The following TYW1 variants were observed in gnomAD, a reference collection of about 807,000 sequenced individuals.
TYW1 encodes the protein tRNA-yW synthesizing protein 1 homolog.
TYW1 carries 46 observed loss-of-function variants against 96.2 expected under a neutral mutation model. The observed-to-expected ratio is 0.48, with a 90% CI of 0.38 to 0.61. The LOEUF is 0.61. TYW1 is among the 20% of genes least tolerant of loss of function. TYW1 has a pLI of 0.00. For synonymous variants in TYW1, 274 were observed against 323.0 expected, an observed-to-expected ratio of 0.85 and a Z score of 1.63; for missense variants, 684 against 909.6, an observed-to-expected ratio of 0.75 and a Z score of 3.19.
At chr7:67,199,572 A>T (rs1584687088) in intron 15 of TYW1, among the ~76,000 whole-genome samples, 1 of 152,012 alleles carries the variant, frequency 6.6e-6, no homozygotes, top group Non-Finnish European at 1.5e-5. Context: ...TAAGTGTACC[A>T]CTCCTTCCAC....
At chr7:67,159,776 A>G (rs1815098) in intron 13 of TYW1, among the ~76,000 whole-genome samples, 37,478 of 128,714 alleles carry the variant, frequency 0.29, 4,764 homozygotes, top group Middle Eastern at 0.36. Context: ...TTGTAACAAT[A>G]TCACAAAATT....
At chr7:67,050,176 G>A (rs1795311453) in intron 8 of TYW1, 110 bp downstream of exon 8, 1 of 1,253,434 alleles carries the variant, frequency 8.0e-7, no homozygotes, top group East Asian at 2.3e-5. Flanking sequence ...CATAGTGGCA[G>A]ATATAACAGT....
At chr7:67,081,418 C>CT (rs751694320) in intron 10 of TYW1, among the ~76,000 whole-genome samples, 1,344 of 129,406 alleles carry the variant, frequency 0.01, 13 homozygotes, top group African/African-American at 0.029. Flanking sequence ...CTCAAGGTGG[C>CT]TTTTTTTTTT....
At chr7:67,029,408 T>TATATATATACATATATATATATATAC (rs1381722152) in intron 7 of TYW1, among the ~76,000 whole-genome samples, 2 of 135,042 alleles carry the variant, frequency 1.5e-5, no homozygotes, top group Admixed American at 8.0e-5. Flanking sequence ...TGTGTGTGTG[T>TATATATATACATATATATATATATAC]GTGTGTGTAT....
intron 15 of TYW1, among the ~76,000 whole-genome samples, chr7:67,207,168 C>A (rs1250755607): frequency 6.6e-6 from 1 of 152,194 alleles, no homozygotes; most frequent in Non-Finnish European, 1.5e-5. Flanking sequence ...AAGCATGCCT[C>A]CTCCAGGAAG....
intron 3 of TYW1, among the ~76,000 whole-genome samples, chr7:67,004,951 T>C (rs1485532785): frequency 1.3e-5 from 2 of 152,184 alleles, no homozygotes; most frequent in Non-Finnish European, 2.9e-5. Flanking sequence ...AGATGGGGTT[T>C]CACCATGTTG....
chr7:67,084,037 GAAAT>G (rs535966004), intron 11 of TYW1, among the ~76,000 whole-genome samples: 3 of 152,072 alleles, frequency 2.0e-5, no homozygotes, highest in Non-Finnish European at 2.9e-5. Context: ...CTCCATCTCA[GAAAT>G]AAATAAATAA....
At chr7:67,012,912 GA>G (rs201945265) in intron 4 of TYW1, among the ~76,000 whole-genome samples, 2 of 150,726 alleles carry the variant, frequency 1.3e-5, no homozygotes, top group African/African-American at 2.4e-5. Context: ...AACCAAAACA[GA>G]AAAAAACCTC....
At chr7:67,132,864 CA>C (rs1201521804) in intron 13 of TYW1, among the ~76,000 whole-genome samples, 2 of 152,166 alleles carry the variant, frequency 1.3e-5, no homozygotes, top group Admixed American at 6.5e-5. Context: ...AGGAGAAATT[CA>C]TCCTCCTACA....
chr7:67,014,668 C>T (rs1793953395), intron 5 of TYW1, 107 bp downstream of exon 5: 1 of 1,295,270 alleles, frequency 7.7e-7, no homozygotes, highest in Admixed American at 2.6e-5. Flanking sequence ...CATAAACACA[C>T]ATGTATGTGA....
At chr7:67,219,330 G>A (rs931321481) in intron 15 of TYW1, among the ~76,000 whole-genome samples, 1 of 152,002 alleles carries the variant, frequency 6.6e-6, no homozygotes, top group Non-Finnish European at 1.5e-5. Flanking sequence ...ATTCAAAAGT[G>A]ATATTCATAT....
At chr7:67,154,001 T>A (rs1174837907) in intron 13 of TYW1, among the ~76,000 whole-genome samples, 1 of 151,402 alleles carries the variant, frequency 6.6e-6, no homozygotes, top group Non-Finnish European at 1.5e-5. Context: ...GACCTTAGCT[T>A]ACTGCAAGTT....
chr7:66,998,442 C>A (rs1461240986), intron 2 of TYW1, among the ~76,000 whole-genome samples: 2 of 152,022 alleles, frequency 1.3e-5, no homozygotes, highest in Non-Finnish European at 2.9e-5. Flanking sequence ...GAAAAGTGAA[C>A]CTTTTATATG....
chr7:67,202,468 C>T (rs1363987563), intron 15 of TYW1, among the ~76,000 whole-genome samples: 1 of 152,168 alleles, frequency 6.6e-6, no homozygotes, highest in Non-Finnish European at 1.5e-5. Flanking sequence ...GTGAACATGG[C>T]TCATTGCAAC....
chr7:67,055,422 C>T (rs1438993341), intron 8 of TYW1, among the ~76,000 whole-genome samples: 4 of 151,928 alleles, frequency 2.6e-5, no homozygotes, highest in Non-Finnish European at 5.9e-5. Context: ...CATGGTGATA[C>T]CCCATTCCTA....
chr7:67,124,404 A>T (rs56128720), intron 13 of TYW1, among the ~76,000 whole-genome samples: 41,501 of 151,030 alleles, frequency 0.27, 6,419 homozygotes, highest in African/African-American at 0.43. Context: ...GGCTAAAAAT[A>T]TTTTTTTTTG....
rs1192415393 is a variant in TYW1 at position 67,232,684 on chromosome 7, C to G, written c.1978-5624C>G. Among the ~76,000 whole-genome samples, 2 of 127,096 alleles carry G rather than the reference C, an allele frequency of 1.6e-5. 1 individual carries two copies. Among genetic ancestry groups the G allele is most frequent in the African/African-American group, 6.5e-5 (2 of 30,886 alleles). 83.4% of individuals were successfully genotyped at this position (127,096 alleles called of 152,430 possible). ...TTGTCATCTGTCTTCTTGGGCTGGTCAGTAGGGTCTTCTCATTTTCTGCAG... is the reference window on the plus strand; with the variant it reads ...TTGTCATCTGTCTTCTTGGGCTGGTGAGTAGGGTCTTCTCATTTTCTGCAG... On this transcript the variant is annotated intron_variant, in intron 15 of 15. Transcript: ENST00000359626.
intron 15 of TYW1, among the ~76,000 whole-genome samples, chr7:67,228,267 C>T (rs752411595): frequency 9.2e-5 from 14 of 152,114 alleles, no homozygotes; most frequent in African/African-American, 1.4e-4. Context: ...GCATCACAAT[C>T]GTGGCGGAAG....
intron 8 of TYW1, among the ~76,000 whole-genome samples, chr7:67,052,400 A>C (rs1219286012): frequency 2.0e-5 from 3 of 152,098 alleles, no homozygotes; most frequent in Non-Finnish European, 4.4e-5. Context: ...TATGTTTTCA[A>C]GTTCAATAAT....
Sources: gnomAD v4.1 joint callset for allele counts (sites outside exome capture counted in the v4.1 genomes callset) on GRCh38, gnomAD v4.1.1 for gene constraint, MANE v1.5 for transcripts, NCBI Gene and HGNC (gene_info 2026-07-23, HGNC 2026-07-21) for gene names.